Variants in TTC7A observed in about 807,000 individuals in gnomAD.
The protein encoded by TTC7A is tetratricopeptide repeat domain 7A, also known as tetratricopeptide repeat protein 7A.
A neutral mutation model predicts 103.7 loss-of-function variants in TTC7A; 110 were observed. That is an observed-to-expected ratio of 1.06 (90% CI 0.91 to 1.24). The LOEUF is 1.24. Among genes scored for constraint, TTC7A ranks in the 50% most tolerant of loss-of-function variants. The pLI, the probability that TTC7A is intolerant of heterozygous loss-of-function variation, is 0.00. For missense variants in TTC7A, 1,340 were observed against 1,116.3 expected, an observed-to-expected ratio of 1.20 and a Z score of -2.86; for synonymous variants, 521 against 467.9, an observed-to-expected ratio of 1.11 and a Z score of -1.47.
In TTC7A at chr2:46,950,489, A is replaced by G. The variant is rs771346313; in HGVS notation, c.311A>G (p.Asn104Ser). ...GAGCCGAAGATGAGCGAAGCCAAAA[A>G]TTATCTAAGCAGTATCCTTAACCAT... is the stretch of plus-strand genomic sequence containing the variant. Reference protein sequence around the residue: ...KNEPKMSEAKNYLSSILNHGR... With the variant: ...KNEPKMSEAKSYLSSILNHGR... Residue 104 changes from asparagine (N) to serine (S), a missense_variant, in exon 2 of 20, where the codon AAT (asparagine) becomes AGT (serine). Coordinates refer to ENST00000319190, the MANE Select transcript of TTC7A (RefSeq NM_020458.4). The G allele has an allele frequency of 6.2e-7, 1 of 1,614,148 alleles. No homozygotes were observed. Among genetic ancestry groups the G allele is most frequent in the South Asian group, 1.1e-5 (1 of 91,070 alleles).
chr2:46,955,259 TGCAGGGAAC>T (rs1671751009), intron 2 of TTC7A, among the ~76,000 whole-genome samples: 1 of 152,288 alleles, frequency 6.6e-6, no homozygotes, highest in Admixed American at 6.5e-5. Flanking sequence ...TTGAGACCAG[TGCAGGGAAC>T]GCAGAGTCAC....
intron 3 of TTC7A, among the ~76,000 whole-genome samples, chr2:46,957,807 T>C (rs1282854677): frequency 1.3e-5 from 2 of 152,202 alleles, no homozygotes; most frequent in Admixed American, 6.5e-5. Flanking sequence ...TCCGGAATCT[T>C]GGATGTTTGA....
At chr2:46,917,131 C>A (rs1435066963) in intron 1 of TTC7A, 2 of 698,922 alleles carry the variant, frequency 2.9e-6, no homozygotes, top group Non-Finnish European at 5.2e-6. Context: ...AATCTGCCAC[C>A]CCATCCCAGA....
intron 6 of TTC7A, among the ~76,000 whole-genome samples, chr2:46,993,978 A>T (rs1675893746): frequency 6.6e-6 from 1 of 152,194 alleles, no homozygotes; most frequent in African/African-American, 2.4e-5. Context: ...AATATCAGAA[A>T]GGCACCTGAG....
intron 3 of TTC7A, among the ~76,000 whole-genome samples, chr2:46,972,688 T>G (rs1316907024): frequency 6.6e-6 from 1 of 152,174 alleles, no homozygotes; most frequent in Non-Finnish European, 1.5e-5. Context: ...AAAGTGGGTG[T>G]CCCCTGCAGG....
chr2:46,987,893 G>A (rs1258630328), intron 5 of TTC7A, among the ~76,000 whole-genome samples: 3 of 151,844 alleles, frequency 2.0e-5, no homozygotes, highest in Non-Finnish European at 4.4e-5. Flanking sequence ...AGGCAGCAAA[G>A]GCACCTTAGA....
chr2:47,001,436 AG>A (rs1676792365), intron 8 of TTC7A, among the ~76,000 whole-genome samples: 1 of 152,118 alleles, frequency 6.6e-6, no homozygotes, highest in Non-Finnish European at 1.5e-5. Flanking sequence ...ACCTTATGCA[AG>A]GTAGTTCATC....
intron 14 of TTC7A, 82 bp downstream of exon 14, chr2:47,024,441 C>T: frequency 7.6e-7 from 1 of 1,315,732 alleles, no homozygotes; most frequent in Non-Finnish European, 1.0e-6. Flanking sequence ...AGCTGTGTGA[C>T]CCTCTGCAAG....
At chr2:47,038,652 A>ACCC (rs528712679) in intron 15 of TTC7A, among the ~76,000 whole-genome samples, 8 of 40,954 alleles carry the variant, frequency 2.0e-4, no homozygotes, top group African/African-American at 8.9e-4. Context: ...CCCCCCACCC[A>ACCC]CCCCCCCGAC....
At chr2:46,964,019 A>G (rs1442300273) in intron 3 of TTC7A, among the ~76,000 whole-genome samples, 1 of 152,238 alleles carries the variant, frequency 6.6e-6, no homozygotes, top group African/African-American at 2.4e-5. Context: ...GGTAAAAGGC[A>G]TGGAGGCAGA....
chr2:47,039,709 T>A (rs960687015), intron 15 of TTC7A, among the ~76,000 whole-genome samples: 6 of 152,220 alleles, frequency 3.9e-5, no homozygotes, highest in Admixed American at 6.5e-5. Flanking sequence ...AGCAGTGTGA[T>A]CCTGCCCTAG....
intron 3 of TTC7A, among the ~76,000 whole-genome samples, chr2:46,968,456 C>A (rs1210774055): frequency 6.6e-6 from 1 of 152,126 alleles, no homozygotes; most frequent in Non-Finnish European, 1.5e-5. Context: ...GAAACCCAAG[C>A]CTGCAGCACC....
rs369381851 is a variant in TTC7A at position 47,047,502 on chromosome 2, T to C, written c.1919+1071T>C. Among the ~76,000 whole-genome samples the C allele has an allele frequency of 2.0e-5, 3 of 152,372 alleles. No individual in the cohort carries two copies. In the South Asian group the frequency reaches 6.2e-4, roughly 32 times the overall value. ...TGAAGCCACCTGGCAGCTGGATGCATGAAGCCAAGGGCCACACTCTGGGTG... is the reference window on the plus strand; with the variant it reads ...TGAAGCCACCTGGCAGCTGGATGCACGAAGCCAAGGGCCACACTCTGGGTG... On this transcript the variant is annotated intron_variant, in intron 16 of 19. Transcript: ENST00000319190.
At chr2:47,002,107 CAGA>C (rs747996247) in intron 8 of TTC7A, among the ~76,000 whole-genome samples, 53 of 152,184 alleles carry the variant, frequency 3.5e-4, no homozygotes, top group Non-Finnish European at 2.6e-4. Context: ...TCTGACCTGC[CAGA>C]AGGCTTGCAG....
intron 8 of TTC7A, among the ~76,000 whole-genome samples, chr2:47,001,640 T>G (rs1676818399): frequency 6.6e-6 from 1 of 152,028 alleles, no homozygotes; most frequent in Non-Finnish European, 1.5e-5. Flanking sequence ...GCGGATCACT[T>G]GAGGTCAGGG....
At chr2:46,959,856 C>T (rs1332677468) in intron 3 of TTC7A, among the ~76,000 whole-genome samples, 4 of 152,288 alleles carry the variant, frequency 2.6e-5, no homozygotes, top group African/African-American at 4.8e-5. Context: ...ACATCACATG[C>T]GTATTTGTGT....
intron 3 of TTC7A, among the ~76,000 whole-genome samples, chr2:46,973,520 T>C (rs1350522438): frequency 1.3e-5 from 2 of 152,156 alleles, no homozygotes; most frequent in African/African-American, 2.4e-5. Flanking sequence ...GTGAACTGTT[T>C]CCACCTGGAG....
At chr2:46,923,572 T>G (rs1669222207) in intron 2 of TTC7A, among the ~76,000 whole-genome samples, 1 of 152,148 alleles carries the variant, frequency 6.6e-6, no homozygotes, top group African/African-American at 2.4e-5. Flanking sequence ...AACACAAAAT[T>G]TCTTCCCTTG....
At chr2:47,046,497 G>C in intron 16 of TTC7A, 66 bp downstream of exon 16, 2 of 1,296,198 alleles carry the variant, frequency 1.5e-6, no homozygotes, top group Non-Finnish European at 2.2e-6. Context: ...TCCACAGCTG[G>C]GTGGCCACCA....
Sources: allele counts gnomAD v4.1 joint callset (sites outside exome capture counted in the v4.1 genomes callset), GRCh38; gene constraint gnomAD v4.1.1; transcripts MANE v1.5; gene names NCBI Gene and HGNC (gene_info 2026-07-23, HGNC 2026-07-21).